The following ROBO2 variants were observed in gnomAD, a reference collection of about 807,000 sequenced individuals.
ROBO2 encodes the protein roundabout guidance receptor 2.
A neutral mutation model predicts 160.8 loss-of-function variants in ROBO2; 53 were observed. The observed-to-expected ratio is 0.33, with a 90% confidence interval of 0.26 to 0.41. The LOEUF (loss-of-function observed/expected upper bound fraction) is 0.41. Among genes scored for constraint, ROBO2 ranks in the 10% least tolerant of loss-of-function variants. ROBO2 has a pLI of 1.00. For synonymous variants in ROBO2, 664 were observed against 611.7 expected (o/e 1.09, Z -1.26); for missense variants, 1,577 against 1,722.4 (o/e 0.92, Z 1.49).
chr3:77,277,185 T>TTTC (rs1491057873), intron 2 of ROBO2, among the ~76,000 whole-genome samples: 20 of 115,274 alleles, frequency 1.7e-4, no homozygotes, highest in African/African-American at 4.8e-4. Context: ...TCTTTCTTTC[T>TTTC]TTCTTTCTTT....
chr3:76,936,155 A>C (rs1280878758), intron 2 of ROBO2, among the ~76,000 whole-genome samples: 1 of 152,178 alleles, frequency 6.6e-6, no homozygotes. Context: ...AAAGAAAGAA[A>C]AAAGTAGAAG....
chr3:77,282,430 C>T (rs1418344391), intron 2 of ROBO2, among the ~76,000 whole-genome samples: 1 of 151,994 alleles, frequency 6.6e-6, no homozygotes, highest in African/African-American at 2.4e-5. Context: ...ATTTATTACA[C>T]AGGTTACTTC....
chr3:76,685,416 A>C (rs2107059229), intron 2 of ROBO2, among the ~76,000 whole-genome samples: 1 of 152,294 alleles, frequency 6.6e-6, no homozygotes, highest in Admixed American at 6.5e-5. Flanking sequence ...CAAGAGTTTT[A>C]AATTATTGAA....
intron 2 of ROBO2, among the ~76,000 whole-genome samples, chr3:77,435,392 CTT>C (rs1220469001): frequency 1.3e-5 from 2 of 151,914 alleles, no homozygotes; most frequent in Non-Finnish European, 2.9e-5. Flanking sequence ...ATGAAAAACA[CTT>C]TTTAAGCCAA....
chr3:76,219,073 T>C (rs1313469470), intron 2 of ROBO2, among the ~76,000 whole-genome samples: 1 of 152,250 alleles, frequency 6.6e-6, no homozygotes. Flanking sequence ...AAGGATTCCC[T>C]ATTTAATAAA....
At chr3:76,733,428 T>G (rs1206410659) in intron 2 of ROBO2, among the ~76,000 whole-genome samples, 1 of 152,228 alleles carries the variant, frequency 6.6e-6, no homozygotes, top group South Asian at 2.1e-4. Context: ...CCCAGGCCAA[T>G]TCACTAAAAG....
intron 2 of ROBO2, among the ~76,000 whole-genome samples, chr3:77,237,349 G>A (rs568325919): frequency 6.0e-5 from 9 of 151,122 alleles, no homozygotes; most frequent in East Asian, 2.0e-4. Flanking sequence ...CATACTGTAC[G>A]CCACCATACC....
At chr3:76,873,596 T>C (rs145305646) in intron 2 of ROBO2, among the ~76,000 whole-genome samples, 26 of 151,964 alleles carry the variant, frequency 1.7e-4, no homozygotes, top group African/African-American at 6.3e-4. Context: ...GTCGTTGTCG[T>C]CGTCGTAGTA....
intron 1 of ROBO2, among the ~76,000 whole-genome samples, chr3:77,083,670 A>G (rs1386076453): frequency 1.3e-5 from 2 of 152,172 alleles, no homozygotes; most frequent in Non-Finnish European, 2.9e-5. Context: ...GAAAGAAGGA[A>G]GAATCCACAG....
intron 2 of ROBO2, among the ~76,000 whole-genome samples, chr3:77,393,700 A>C (rs2074981550): frequency 6.6e-6 from 1 of 151,262 alleles, no homozygotes; most frequent in Admixed American, 6.6e-5. Context: ...AGTTTATTAA[A>C]GTTATTACAT....
chr3:76,493,364 T>TAA (rs1553773261), intron 2 of ROBO2, among the ~76,000 whole-genome samples: 2 of 136,772 alleles, frequency 1.5e-5, no homozygotes, highest in African/African-American at 5.4e-5. Flanking sequence ...TATATATATA[T>TAA]AATTGTATAT....
chr3:77,074,611 A>T (rs1398630004), intron 1 of ROBO2, among the ~76,000 whole-genome samples: 1 of 152,190 alleles, frequency 6.6e-6, no homozygotes, highest in Non-Finnish European at 1.5e-5. Context: ...GGGTGAATTC[A>T]TGACTTTCTA....
intron 2 of ROBO2, among the ~76,000 whole-genome samples, chr3:76,503,000 A>G (rs9872850): frequency 0.025 from 3,632 of 143,080 alleles, 76 homozygotes; most frequent in East Asian, 0.094. Flanking sequence ...ATATATATAT[A>G]TGTGTGTGTG....
At chr3:76,832,251 T>A (rs2067155740) in intron 2 of ROBO2, among the ~76,000 whole-genome samples, 2 of 152,242 alleles carry the variant, frequency 1.3e-5, no homozygotes, top group African/African-American at 4.8e-5. Flanking sequence ...ATTTTCAATT[T>A]AATGTGTCTC....
At chr3:77,410,755 C>A (rs2076729877) in intron 2 of ROBO2, among the ~76,000 whole-genome samples, 2 of 145,926 alleles carry the variant, frequency 1.4e-5, no homozygotes, top group Non-Finnish European at 3.0e-5. Context: ...TCCTCCTCCT[C>A]TTCCTCCTCC....
At chr3:76,253,363 C>T (rs924037) in intron 2 of ROBO2, among the ~76,000 whole-genome samples, 20,514 of 151,716 alleles carry the variant, frequency 0.14, 2,191 homozygotes, top group East Asian at 0.41. Flanking sequence ...GTATTGACTC[C>T]CTAGGCTCAG....
At chr3:76,845,799 T>C (rs772233857) in intron 2 of ROBO2, among the ~76,000 whole-genome samples, 15 of 152,094 alleles carry the variant, frequency 9.9e-5, no homozygotes, top group South Asian at 2.1e-4. Flanking sequence ...ATCATAATTC[T>C]GACAACTTGT....
chr3:76,375,246 A>G (rs1559844066), intron 2 of ROBO2, among the ~76,000 whole-genome samples: 1 of 151,952 alleles, frequency 6.6e-6, no homozygotes. Flanking sequence ...TATTCACTAA[A>G]TCCTCACTGA....
At chr3:76,619,909 T>C (rs1553838835) in intron 2 of ROBO2, among the ~76,000 whole-genome samples, 1 of 152,168 alleles carries the variant, frequency 6.6e-6, no homozygotes, top group Non-Finnish European at 1.5e-5. Flanking sequence ...AATTTTATCT[T>C]AATTCAGCCC....
Sources: gnomAD v4.1 joint callset for allele counts (sites outside exome capture counted in the v4.1 genomes callset) on GRCh38, gnomAD v4.1.1 for gene constraint, MANE v1.5 for transcripts, NCBI Gene and HGNC (gene_info 2026-07-23, HGNC 2026-07-21) for gene names.